The following TRAPPC9 variants were observed in gnomAD, a reference collection of about 807,000 sequenced individuals.
TRAPPC9 encodes the protein trafficking protein particle complex subunit 9.
TRAPPC9 carries 83 observed loss-of-function variants against 124.0 expected under a neutral mutation model. That is an observed-to-expected ratio of 0.67 (90% CI 0.56 to 0.80). The LOEUF (loss-of-function observed/expected upper bound fraction) is 0.80. TRAPPC9 is among the 30% of genes least tolerant of loss of function. The pLI, the probability that TRAPPC9 is intolerant of heterozygous loss-of-function variation, is 0.00. For synonymous variants in TRAPPC9, 638 were observed against 617.5 expected, an observed-to-expected ratio of 1.03 and a Z score of -0.49; for missense variants, 1,302 against 1,508.3, an observed-to-expected ratio of 0.86 and a Z score of 2.27.
intron 21 of TRAPPC9, among the ~76,000 whole-genome samples, chr8:139,821,057 G>A (rs1331626902): frequency 6.6e-6 from 1 of 152,210 alleles, no homozygotes; most frequent in East Asian, 1.9e-4. Context: ...AAATGTATCT[G>A]CAGCACCAGG....
chr8:140,326,214 G>A (rs539139562), intron 9 of TRAPPC9, among the ~76,000 whole-genome samples: 18 of 145,276 alleles, frequency 1.2e-4, no homozygotes, highest in Admixed American at 3.5e-4. Context: ...GTGAAACCCC[G>A]TCTCTACTAA....
Position 140,063,617 on chromosome 8 carries a change from A to C in TRAPPC9, c.2557-39538T>G, listed in dbSNP as rs6578064. Among the ~76,000 whole-genome samples, 1 of 152,224 alleles carries C rather than the reference A, an allele frequency of 6.6e-6. No individual in the cohort carries two copies. Among genetic ancestry groups the C allele is most frequent in the African/African-American group, 2.4e-5 (1 of 41,456 alleles). On this transcript the variant is annotated intron_variant, in intron 17 of 22. Transcript: ENST00000438773. The surrounding 1 kb of genome is among the most constrained non-coding windows in gnomAD (Gnocchi z 4.3). ...GATTTTGATAATCAGTAAAAACAGT[A>C]CCTGAGTACTAGTCACACTATAAGA...
intron 1 of TRAPPC9, chr8:140,456,721 G>T: frequency 1.2e-6 from 1 of 845,678 alleles, no homozygotes; most frequent in Non-Finnish European, 1.4e-6. Context: ...AGGTAGCTAT[G>T]ACTACCTTAG....
intron 21 of TRAPPC9, among the ~76,000 whole-genome samples, chr8:139,732,846 C>G (rs1454446962): frequency 6.7e-6 from 1 of 149,660 alleles, no homozygotes; most frequent in East Asian, 1.9e-4. Context: ...CCCGTGGACC[C>G]TGCCAGGCAG....
chr8:140,446,293 C>CAAAAAAAAAAAAAA, intron 2 of TRAPPC9, among the ~76,000 whole-genome samples: 1 of 110,328 alleles, frequency 9.1e-6, no homozygotes, highest in Non-Finnish European at 1.8e-5. Context: ...GACTCTGTCT[C>CAAAAAAAAAAAAAA]AAAAAAAAAA....
rs948701749 is a variant in TRAPPC9, at chr8:139,830,343, C to G, written c.3055+55536G>C. Reference sequence around the variant, plus strand: ...ATGCATACACACAAGTGAATATACACACGCAATTACACATGCATACACGCT... The same window carrying G: ...ATGCATACACACAAGTGAATATACAGACGCAATTACACATGCATACACGCT... On this transcript the variant is annotated intron_variant, in intron 21 of 22. Transcript: ENST00000438773. Among the ~76,000 whole-genome samples the G allele has an allele frequency of 1.0e-4, 15 of 150,742 alleles. 1 individual carries two copies. The highest frequency in any genetic ancestry group is 3.6e-3 in the Middle Eastern group (1 of 280).
chr8:140,350,434 T>TG (rs746520848), intron 9 of TRAPPC9, among the ~76,000 whole-genome samples: 9 of 152,210 alleles, frequency 5.9e-5, no homozygotes, highest in South Asian at 2.1e-4. Context: ...GCCATCGCAA[T>TG]GTGACAGGGA....
rs1292015012 is a variant in TRAPPC9 at position 139,973,811 on chromosome 8, C to G, written c.2810+14915G>C. 3.9e-5 allele frequency among the ~76,000 whole-genome samples: 6 copies of G among 152,256 alleles called. No homozygotes were observed. In the East Asian group the frequency reaches 1.2e-3, roughly 30 times the overall value. On this transcript the variant is annotated intron_variant, in intron 19 of 22. Coordinates refer to ENST00000438773, the MANE Select transcript of TRAPPC9 (RefSeq NM_001160372.4). ...TGAGTGCCAGGCCCCCAAACCACCCCAGGGACCTTCTCCACAGACCCACTC... is the reference window on the plus strand; with the variant it reads ...TGAGTGCCAGGCCCCCAAACCACCCGAGGGACCTTCTCCACAGACCCACTC...
chr8:140,347,132 G>A (rs1455454138), intron 9 of TRAPPC9, among the ~76,000 whole-genome samples: 2 of 152,218 alleles, frequency 1.3e-5, no homozygotes, highest in African/African-American at 2.4e-5. Context: ...TCTCCTCCAG[G>A]AGCCCCCACC....
At chr8:139,926,491 A>G (rs576750130) in intron 19 of TRAPPC9, among the ~76,000 whole-genome samples, 3 of 151,514 alleles carry the variant, frequency 2.0e-5, no homozygotes, top group African/African-American at 7.3e-5. Flanking sequence ...CTCCCGTGAC[A>G]AAAGAAAACA....
At chr8:139,838,046 A>G (rs1193468277) in intron 21 of TRAPPC9, among the ~76,000 whole-genome samples, 1 of 152,106 alleles carries the variant, frequency 6.6e-6, no homozygotes, top group Non-Finnish European at 1.5e-5. Flanking sequence ...GACAGAGTCT[A>G]AAGGGCTCGC....
At chr8:140,142,757 C>T (rs560734287) in intron 17 of TRAPPC9, among the ~76,000 whole-genome samples, 72 of 152,314 alleles carry the variant, frequency 4.7e-4, no homozygotes, top group African/African-American at 1.6e-3. Context: ...AGCTTAGCCA[C>T]GTTATTAGTT....
chr8:140,063,554 C>T lies in TRAPPC9; in HGVS notation c.2557-39475G>A, dbSNP rs566887324. ...CAGGAGAAATGTTTGTTGAATGGAT[C>T]GGGGAACAGAACAGTGAACGGCAAT... On this transcript the variant is annotated intron_variant, in intron 17 of 22. Transcript: ENST00000438773. This position sits in a 1 kb window ranked among gnomAD's most constrained non-coding sequence, Gnocchi z 4.3. Among the ~76,000 whole-genome samples the T allele has an allele frequency of 2.6e-5, 4 of 152,166 alleles. No individual in the cohort carries two copies. Among genetic ancestry groups the T allele is most frequent in the East Asian group, 3.9e-4 (2 of 5,184 alleles).
At chr8:140,167,595 T>C (rs1264008638) in intron 17 of TRAPPC9, among the ~76,000 whole-genome samples, 1 of 152,182 alleles carries the variant, frequency 6.6e-6, no homozygotes, top group Non-Finnish European at 1.5e-5. Flanking sequence ...GCTTCACCTT[T>C]AGACATGTGG....
At chr8:140,304,093 A>AT (rs549536451) in intron 10 of TRAPPC9, among the ~76,000 whole-genome samples, 1,813 of 140,874 alleles carry the variant, frequency 0.013, 27 homozygotes, top group African/African-American at 0.035. Flanking sequence ...GCCTGACTTA[A>AT]TTTTTTTTTT....
chr8:139,863,611 T>C (rs1828318316), intron 21 of TRAPPC9, among the ~76,000 whole-genome samples: 1 of 152,212 alleles, frequency 6.6e-6, no homozygotes, highest in African/African-American at 2.4e-5. Context: ...GCAGGAGCAC[T>C]GTTGCCCCTT....
chr8:139,999,950 T>C (rs539485873), intron 18 of TRAPPC9, among the ~76,000 whole-genome samples: 58 of 152,306 alleles, frequency 3.8e-4, no homozygotes, highest in African/African-American at 1.2e-3. Context: ...TAAGTGATTA[T>C]ATAAGAAAGA....
intron 21 of TRAPPC9, among the ~76,000 whole-genome samples, chr8:139,771,084 C>T (rs1047860127): frequency 1.3e-5 from 2 of 152,108 alleles, no homozygotes; most frequent in Non-Finnish European, 2.9e-5. Flanking sequence ...TTGAGCATGC[C>T]TCTGCCTGCT....
chr8:139,789,761 A>T (rs750749099), intron 21 of TRAPPC9, among the ~76,000 whole-genome samples: 118 of 152,068 alleles, frequency 7.8e-4, no homozygotes, highest in Non-Finnish European at 1.5e-3. Context: ...GCCAGGTAGG[A>T]GGGAGGTGGT....
Sources: gnomAD v4.1 joint callset for allele counts (sites outside exome capture counted in the v4.1 genomes callset) on GRCh38, gnomAD v4.1.1 for gene constraint, Gnocchi (gnomAD v3.1) non-coding constraint, MANE v1.5 for transcripts, NCBI Gene and HGNC (gene_info 2026-07-23, HGNC 2026-07-21) for gene names.